DPP6: variants seen among roughly 807,000 people sequenced by gnomAD.
DPP6 encodes the protein A-type potassium channel modulatory protein DPP6.
Under a neutral mutation model 122.6 loss-of-function variants are expected in DPP6, and 69 were observed. The observed-to-expected ratio is 0.56, with a 90% CI of 0.46 to 0.69. The LOEUF (loss-of-function observed/expected upper bound fraction) is 0.69, where lower values mean the gene tolerates loss of function less well. Among genes scored for constraint, DPP6 ranks in the 30% least tolerant of loss-of-function variants. DPP6 has a pLI of 0.00. For missense variants in DPP6, 928 were observed against 1,116.9 expected (o/e 0.83, Z 2.41); for synonymous variants, 418 against 433.1 (o/e 0.97, Z 0.43).
rs1563249191 is a variant in DPP6, at chr7:154,821,653, T to TATATATATACACAC, written c.1666+14550_1666+14551insCACACATATATATA. Among the ~76,000 whole-genome samples, 2 of 107,094 alleles carry TATATATATACACAC rather than the reference T, an allele frequency of 1.9e-5. No individual in the cohort carries two copies. Among genetic ancestry groups the TATATATATACACAC allele is most frequent in the African/African-American group, 6.8e-5 (2 of 29,614 alleles). The allele number at this position is 107,094 out of a possible 152,430, so 70.3% of individuals were successfully genotyped here. ...GTATATATATATATATATACACATA[T>TATATATATACACAC]ATATATATATACACATATATATATA... On this transcript the variant is annotated intron_variant, in intron 16 of 25. Transcript: ENST00000377770. This position sits in a 1 kb window ranked among gnomAD's most constrained non-coding sequence, Gnocchi z 4.2.
intron 1 of DPP6, among the ~76,000 whole-genome samples, chr7:154,381,582 A>G (rs1296518192): frequency 1.3e-5 from 2 of 152,328 alleles, no homozygotes; most frequent in East Asian, 1.9e-4. Context: ...ACATCAAAGC[A>G]TTAGTAAATC....
intron 1 of DPP6, among the ~76,000 whole-genome samples, chr7:154,019,143 A>C (rs1798569357): frequency 6.6e-6 from 1 of 152,326 alleles, no homozygotes; most frequent in South Asian, 2.1e-4. Flanking sequence ...TAACAAGCCT[A>C]GTCTATTCTG....
At chr7:154,455,795 T>C (rs895611090) in intron 2 of DPP6, among the ~76,000 whole-genome samples, 3 of 152,214 alleles carry the variant, frequency 2.0e-5, no homozygotes, top group Admixed American at 6.5e-5. Context: ...TACATATTTA[T>C]CTATAAATGG....
At chr7:153,893,971 C>G (rs1799307303) in intron 1 of DPP6, among the ~76,000 whole-genome samples, 1 of 152,148 alleles carries the variant, frequency 6.6e-6, no homozygotes, top group South Asian at 2.1e-4. Flanking sequence ...CTAGGTAAAA[C>G]TGGTCTTAGA....
At chr7:154,027,625 G>A (rs1299400137) in intron 1 of DPP6, among the ~76,000 whole-genome samples, 1 of 151,994 alleles carries the variant, frequency 6.6e-6, no homozygotes, top group Non-Finnish European at 1.5e-5. Context: ...GGGAGGGGGC[G>A]GCATTAAATA....
chr7:154,020,666 C>G (rs1383066453), intron 1 of DPP6, among the ~76,000 whole-genome samples: 2 of 152,274 alleles, frequency 1.3e-5, no homozygotes, highest in Middle Eastern at 3.4e-3. Flanking sequence ...ATTTAAATAG[C>G]CTCTGACCTC....
chr7:154,528,633 C>T (rs1221106478), intron 3 of DPP6, among the ~76,000 whole-genome samples: 1 of 152,170 alleles, frequency 6.6e-6, no homozygotes, highest in East Asian at 1.9e-4. Flanking sequence ...AAGCTGTGGC[C>T]TCTTCTCTGG....
chr7:153,992,767 T>C (rs1239258085), intron 1 of DPP6, among the ~76,000 whole-genome samples: 1 of 152,226 alleles, frequency 6.6e-6, no homozygotes, highest in African/African-American at 2.4e-5. Context: ...CTAAATGGGG[T>C]ACTTGCTCTT....
intron 1 of DPP6, among the ~76,000 whole-genome samples, chr7:154,223,030 C>G (rs924882411): frequency 2.7e-5 from 4 of 149,018 alleles, no homozygotes; most frequent in Non-Finnish European, 5.9e-5. Flanking sequence ...GGCTGTGGAA[C>G]CTGCATTGAA....
intron 1 of DPP6, among the ~76,000 whole-genome samples, chr7:154,313,685 GTA>G (rs1170662489): frequency 0.016 from 324 of 20,446 alleles, 66 homozygotes; most frequent in South Asian, 0.071. Context: ...TTAAGATATG[GTA>G]TATATATATA....
At chr7:154,410,554 CT>C (rs34320755) in intron 1 of DPP6, among the ~76,000 whole-genome samples, 1 of 152,142 alleles carries the variant, frequency 6.6e-6, no homozygotes, top group African/African-American at 2.4e-5. Context: ...ATATGCAATA[CT>C]TTTTTTCTAC....
intron 8 of DPP6, among the ~76,000 whole-genome samples, chr7:154,740,887 C>G (rs533028312): frequency 6.6e-6 from 1 of 152,242 alleles, no homozygotes; most frequent in African/African-American, 2.4e-5. Context: ...CCTATCTGCC[C>G]TAAAGGAATC....
At chr7:154,297,913 G>T (rs1370582402) in intron 1 of DPP6, among the ~76,000 whole-genome samples, 2 of 152,306 alleles carry the variant, frequency 1.3e-5, no homozygotes, top group East Asian at 3.9e-4. Context: ...GCCTGTCATG[G>T]TTAGTTTTAG....
intron 1 of DPP6, among the ~76,000 whole-genome samples, chr7:154,001,760 C>T (rs1014698129): frequency 5.9e-5 from 9 of 151,642 alleles, no homozygotes; most frequent in Non-Finnish European, 1.2e-4. Flanking sequence ...TATTGTAGAC[C>T]ATTAATGGGC....
intron 1 of DPP6, among the ~76,000 whole-genome samples, chr7:154,130,209 G>A (rs1808268247): frequency 1.3e-5 from 2 of 152,284 alleles, no homozygotes; most frequent in African/African-American, 4.8e-5. Context: ...TGTGACATCA[G>A]CCAAAGCTGT....
At chr7:153,902,495 G>T (rs1203071603) in intron 1 of DPP6, among the ~76,000 whole-genome samples, 1 of 152,084 alleles carries the variant, frequency 6.6e-6, no homozygotes, top group Non-Finnish European at 1.5e-5. Flanking sequence ...GCTAACAAAA[G>T]CCCTCCCTAT....
chr7:154,172,604 TC>T (rs1472296596), intron 1 of DPP6, among the ~76,000 whole-genome samples: 1 of 147,804 alleles, frequency 6.8e-6, no homozygotes, highest in Non-Finnish European at 1.5e-5. Context: ...TCTTTTTTTT[TC>T]TTTTTTTTTT....
rs922173252 is a variant in DPP6, at chr7:154,483,571, C to G, written c.457+8534C>G. On this transcript the variant is annotated intron_variant, in intron 3 of 25. Coordinates refer to ENST00000377770, the MANE Select transcript of DPP6 (RefSeq NM_130797.4). This position sits in a 1 kb window ranked among gnomAD's most constrained non-coding sequence, Gnocchi z 8.1. The stretch of plus-strand genomic sequence containing the variant: ...TATGGAGTTGCCTTATTTGGTCAAT[C>G]CTGTTGGAAAGTTCTTAGTTACAGA... 3.3e-5 allele frequency among the ~76,000 whole-genome samples: 5 copies of G among 152,172 alleles called. No individual in the cohort carries two copies. The highest frequency in any genetic ancestry group is 1.2e-4 in the African/African-American group (5 of 41,446).
chr7:154,229,608 A>G (rs1461866845), intron 1 of DPP6, among the ~76,000 whole-genome samples: 1 of 152,218 alleles, frequency 6.6e-6, no homozygotes, highest in African/African-American at 2.4e-5. Context: ...CTTGTCTCCT[A>G]TTAAAACAAG....
Sources: gnomAD v4.1 joint callset for allele counts (sites outside exome capture counted in the v4.1 genomes callset) on GRCh38, gnomAD v4.1.1 for gene constraint, Gnocchi (gnomAD v3.1) non-coding constraint, MANE v1.5 for transcripts, NCBI Gene and HGNC (gene_info 2026-07-23, HGNC 2026-07-21) for gene names.